The following ABHD17B variants were observed in gnomAD, a reference collection of about 807,000 sequenced individuals.
ABHD17B encodes the protein abhydrolase domain containing 17B, depalmitoylase, also known as alpha/beta hydrolase domain-containing protein 17B.
Under a neutral mutation model 26.2 loss-of-function variants are expected in ABHD17B, and 9 were observed. That is an observed-to-expected ratio of 0.34 (90% CI 0.21 to 0.60). The LOEUF is 0.60. Ranked by LOEUF, ABHD17B falls within the 20% of genes least tolerant of loss-of-function variation. ABHD17B has a pLI of 0.80. For synonymous variants in ABHD17B, 127 were observed against 122.3 expected (o/e 1.04, Z -0.25); for missense variants, 224 against 352.1 (o/e 0.64, Z 2.91).
intron 1 of ABHD17B, among the ~76,000 whole-genome samples, chr9:71,898,028 A>G (rs1366726184): frequency 6.6e-6 from 1 of 152,244 alleles, no homozygotes; most frequent in African/African-American, 2.4e-5. Context: ...AAATGGAATA[A>G]AGATTTCAAA....
intron 1 of ABHD17B, among the ~76,000 whole-genome samples, chr9:71,878,681 CT>C (rs1417829300): frequency 2.0e-5 from 3 of 152,122 alleles, no homozygotes; most frequent in Non-Finnish European, 2.9e-5. Flanking sequence ...TGGTGGCTCA[CT>C]CCTGTAATCC....
chr9:71,896,092 C>T (rs1332431748), intron 1 of ABHD17B, among the ~76,000 whole-genome samples: 2 of 152,138 alleles, frequency 1.3e-5, no homozygotes, highest in Non-Finnish European at 2.9e-5. Context: ...TAAAAGAACC[C>T]TTCCTTTTTG....
chr9:71,878,685 T>C (rs1826350998), intron 1 of ABHD17B, among the ~76,000 whole-genome samples: 2 of 152,184 alleles, frequency 1.3e-5, no homozygotes, highest in Admixed American at 1.3e-4. Context: ...GGCTCACTCC[T>C]GTAATCCCAG....
chr9:71,885,669 T>C (rs1826586446), intron 1 of ABHD17B, among the ~76,000 whole-genome samples: 1 of 152,122 alleles, frequency 6.6e-6, no homozygotes, highest in South Asian at 2.1e-4. Context: ...AATAACTGAT[T>C]CTTTCTCAGC....
At chr9:71,890,337 C>T (rs529679296) in intron 1 of ABHD17B, among the ~76,000 whole-genome samples, 10 of 151,996 alleles carry the variant, frequency 6.6e-5, no homozygotes, top group African/African-American at 1.2e-4. Context: ...CCCTAATTCC[C>T]ACCTTCTATG....
At chr9:71,876,703 G>A (rs900018044) in intron 1 of ABHD17B, among the ~76,000 whole-genome samples, 5 of 151,964 alleles carry the variant, frequency 3.3e-5, no homozygotes, top group African/African-American at 1.2e-4. Flanking sequence ...TGACTAAATG[G>A]TTGAGAATAT....
downstream of ABHD17B, among the ~76,000 whole-genome samples, chr9:71,864,209 C>CTTTTTT (rs1825893766): frequency 1.6e-5 from 1 of 62,746 alleles, no homozygotes; most frequent in African/African-American, 5.4e-5. Flanking sequence ...ATAGGCCAAA[C>CTTTTTT]TTTCTTTTTT....
In ABHD17B at chr9:71,870,130, A is replaced by C; in HGVS notation, c.600T>G (p.Val200=). The C allele has an allele frequency of 6.2e-7, 1 of 1,613,896 alleles. No individual in the cohort carries two copies. The highest frequency in any genetic ancestry group is 1.1e-5 in the South Asian group (1 of 91,026). The change falls in exon 3 of 4, where the codon GTT becomes GTG. Residue 200 remains valine (V), a synonymous_variant. Coordinates refer to ENST00000333421, the MANE Select transcript of ABHD17B (RefSeq NM_001025780.3). ...AGGTCTTCTTGGTATCAGGAAAGGC[A>C]ACTCGCATTCCCGAAGTCAGAGGAG... The part of the protein sequence containing the change: ...LHSPLTSGMR[V]AFPDTKKTYC...
intron 1 of ABHD17B, among the ~76,000 whole-genome samples, chr9:71,898,142 A>G (rs1827013195): frequency 1.3e-5 from 2 of 152,186 alleles, no homozygotes; most frequent in African/African-American, 4.8e-5. Context: ...ATTAAGGGCT[A>G]TTTAATGTGG....
chr9:71,896,703 C>CACAT lies in ABHD17B; in HGVS notation c.-4+13930_-4+13931insATGT, dbSNP rs1554702581. 2.3e-3 allele frequency among the ~76,000 whole-genome samples: 351 copies of CACAT among 150,716 alleles called. 2 individuals carry two copies. Among genetic ancestry groups the CACAT allele is most frequent in the Middle Eastern group, 0.017 (5 of 292 alleles). Reference sequence around the variant, plus strand: ...CAAAACACACACACACACACACACACATATATATATATACCTTCTTCAAGA... The same window carrying CACAT: ...CAAAACACACACACACACACACACACACATATATATATATATACCTTCTTCAAGA... On this transcript the variant is annotated intron_variant, in intron 1 of 3. Transcript: ENST00000333421.
At chr9:71,905,267 C>T (rs1309140121) in intron 1 of ABHD17B, among the ~76,000 whole-genome samples, 1 of 151,812 alleles carries the variant, frequency 6.6e-6, no homozygotes, top group Non-Finnish European at 1.5e-5. Flanking sequence ...GGATTACAGG[C>T]GCCCACCACT....
intron 1 of ABHD17B, among the ~76,000 whole-genome samples, chr9:71,910,350 C>T (rs983070419): frequency 1.3e-5 from 2 of 152,174 alleles, no homozygotes; most frequent in Admixed American, 1.3e-4. Flanking sequence ...GTCCTCCCTC[C>T]CCCACCCCCT....
intron 1 of ABHD17B, chr9:71,902,463 A>C (rs1371579896): frequency 8.7e-6 from 1 of 115,396 alleles, no homozygotes; most frequent in African/African-American, 3.4e-5. Flanking sequence ...TTTTCAGGCT[A>C]GTCAAATGAA....
At chr9:71,910,608 T>C in intron 1 of ABHD17B, 26 bp downstream of exon 1, 1 of 149,578 alleles carries the variant, frequency 6.7e-6, no homozygotes, top group Non-Finnish European at 1.5e-5. Context: ...GGCTGCGGCG[T>C]CCCCAAACCC....
chr9:71,864,968 AT>A (rs1825913843), downstream of ABHD17B, among the ~76,000 whole-genome samples: 1 of 152,198 alleles, frequency 6.6e-6, no homozygotes, highest in East Asian at 1.9e-4. Flanking sequence ...CCTGGGTTGT[AT>A]GCTGTACAAA....
chr9:71,862,665 T>C (rs182161330), downstream of ABHD17B: 92 of 806,520 alleles, frequency 1.1e-4, no homozygotes, highest in Admixed American at 1.3e-3. Context: ...TCTGAGTTTA[T>C]GTGGCTTTCC....
intron 1 of ABHD17B, among the ~76,000 whole-genome samples, chr9:71,882,724 T>G (rs1222865282): frequency 6.6e-6 from 1 of 150,530 alleles, no homozygotes; most frequent in African/African-American, 2.4e-5. Flanking sequence ...AAAATGGGGA[T>G]GAGGAGAACA....
intron 1 of ABHD17B, among the ~76,000 whole-genome samples, chr9:71,908,648 C>T (rs181270287): frequency 3.9e-5 from 6 of 152,250 alleles, no homozygotes; most frequent in East Asian, 3.9e-4. Context: ...AATCTTAATA[C>T]GGAAGAAATT....
intron 1 of ABHD17B, among the ~76,000 whole-genome samples, chr9:71,907,780 G>T (rs1288587562): frequency 2.6e-5 from 4 of 152,170 alleles, no homozygotes; most frequent in East Asian, 1.9e-4. Context: ...CTCCCAAAGT[G>T]CTGGGATTAC....
Sources: gnomAD v4.1 joint callset for allele counts (sites outside exome capture counted in the v4.1 genomes callset) on GRCh38, gnomAD v4.1.1 for gene constraint, MANE v1.5 for transcripts, NCBI Gene and HGNC (gene_info 2026-07-23, HGNC 2026-07-21) for gene names.